Variants in UQCR11 observed in about 807,000 individuals in gnomAD.
UQCR11 encodes the protein ubiquinol-cytochrome c reductase, complex III subunit XI, also known as cytochrome b-c1 complex subunit 10.
Under a neutral mutation model 7.6 loss-of-function variants are expected in UQCR11, and 10 were observed. That is an observed-to-expected ratio of 1.31 (90% CI 0.81 to 2.22). The LOEUF (loss-of-function observed/expected upper bound fraction) is 2.22, where lower values mean the gene tolerates loss of function less well. Among genes scored for constraint, UQCR11 ranks in the 30% most tolerant of loss-of-function variants. The probability of loss-of-function intolerance (pLI) is 0.00; values close to 1 mark genes in which losing one functional copy is unlikely to be tolerated. For missense variants in UQCR11, 86 were observed against 75.1 expected, an observed-to-expected ratio of 1.15 and a Z score of -0.54; for synonymous variants, 34 against 34.9, an observed-to-expected ratio of 0.97 and a Z score of 0.09.
At chr19:1,600,513 G>A (rs1320842277) in intron 1 of UQCR11, among the ~76,000 whole-genome samples, 2 of 151,860 alleles carry the variant, frequency 1.3e-5, no homozygotes, top group Non-Finnish European at 2.9e-5. Context: ...GCGCCCGGCC[G>A]GGCACAGGCT....
chr19:1,603,097 C>T (rs1042311177), intron 1 of UQCR11, among the ~76,000 whole-genome samples: 6 of 152,302 alleles, frequency 3.9e-5, no homozygotes, highest in Non-Finnish European at 8.8e-5. Context: ...GGATGAGACC[C>T]GCTCCCTAGC....
chr19:1,600,674 C>A (rs1245396895), intron 1 of UQCR11, among the ~76,000 whole-genome samples: 1 of 151,998 alleles, frequency 6.6e-6, no homozygotes, highest in East Asian at 1.9e-4. Flanking sequence ...GAGTTTGAGA[C>A]CAGCCTAGAC....
chr19:1,603,129 G>A (rs2060751920), intron 1 of UQCR11, among the ~76,000 whole-genome samples: 1 of 152,178 alleles, frequency 6.6e-6, no homozygotes, highest in Non-Finnish European at 1.5e-5. Context: ...ACTGCCTGGT[G>A]GCACAGCCCT....
intron 1 of UQCR11, among the ~76,000 whole-genome samples, chr19:1,601,793 A>G (rs1044514608): frequency 6.6e-6 from 1 of 152,102 alleles, no homozygotes; most frequent in Non-Finnish European, 1.5e-5. Context: ...TAATTTTGGG[A>G]GACCATTTCT....
chr19:1,600,317 A>T (rs1295551103), intron 1 of UQCR11, among the ~76,000 whole-genome samples: 1 of 150,086 alleles, frequency 6.7e-6, no homozygotes, highest in South Asian at 2.1e-4. Context: ...GGGTTCAAGC[A>T]ATTCTCCTGC....
chr19:1,605,038 G>A (rs2060757927), intron 1 of UQCR11, among the ~76,000 whole-genome samples: 1 of 152,276 alleles, frequency 6.6e-6, no homozygotes. Flanking sequence ...GCTGGGGATC[G>A]GGACTCGGCA....
At chr19:1,601,555 C>A (rs1276463554) in intron 1 of UQCR11, among the ~76,000 whole-genome samples, 2 of 138,610 alleles carry the variant, frequency 1.4e-5, no homozygotes, top group Non-Finnish European at 1.5e-5. Context: ...GAGCTTAGAT[C>A]ATGCCATTGT....
chr19:1,605,380 G>T lies in UQCR11; in HGVS notation c.30C>A (p.Tyr10Ter). 1 of 1,579,618 alleles carries T rather than the reference G, an allele frequency of 6.3e-7. No individual in the cohort carries two copies. Among genetic ancestry groups the T allele is most frequent in the Non-Finnish European group, 8.6e-7 (1 of 1,167,488 alleles). The part of the protein sequence containing the change: MVTRFLGPR[Y>*]RELVKNWVPT... Reference sequence around the variant, plus strand: ...CTCACCAGTTCTTGACCAGCTCCCGGTAGCGTGGGCCCAGGAACCGGGTCA... The same window carrying T: ...CTCACCAGTTCTTGACCAGCTCCCGTTAGCGTGGGCCCAGGAACCGGGTCA... The change falls in exon 1 of 3, where the codon TAC becomes TAA. Residue 10 changes from tyrosine to a stop codon, truncating the protein, a stop_gained. Transcript: ENST00000591899. LOFTEE classifies it high-confidence loss of function.
chr19:1,600,318 A>C (rs2060743741), intron 1 of UQCR11, among the ~76,000 whole-genome samples: 1 of 151,230 alleles, frequency 6.6e-6, no homozygotes, highest in Non-Finnish European at 1.5e-5. Flanking sequence ...GGTTCAAGCA[A>C]TTCTCCTGCC....
intron 1 of UQCR11, among the ~76,000 whole-genome samples, chr19:1,600,943 C>A (rs949013256): frequency 2.0e-5 from 3 of 151,862 alleles, no homozygotes; most frequent in African/African-American, 7.3e-5. Context: ...CTGAGGCGGG[C>A]AGATCACCTG....
At position 1,599,429 on chromosome 19, in the gene UQCR11, G is replaced by A. The variant is rs1202944899; in HGVS notation, c.*11C>T. On this transcript the variant is annotated 3_prime_UTR_variant, in exon 2 of 3. Coordinates refer to ENST00000591899, the MANE Select transcript of UQCR11 (RefSeq NM_006830.4). ...AAACTTACCAGAGCAGTCTGTGAAGGGTTTGTGTAATTAATTATCCTTCTT... is the reference window on the plus strand; with the variant it reads ...AAACTTACCAGAGCAGTCTGTGAAGAGTTTGTGTAATTAATTATCCTTCTT... 10 of 1,613,350 alleles carry A rather than the reference G, an allele frequency of 6.2e-6. No individual in the cohort carries two copies. Among genetic ancestry groups the A allele is most frequent in the African/African-American group, 1.3e-5 (1 of 74,942 alleles).
intron 1 of UQCR11, among the ~76,000 whole-genome samples, chr19:1,601,599 CAAAAA>C (rs56108793): frequency 8.6e-5 from 7 of 81,180 alleles, no homozygotes; most frequent in Admixed American, 1.4e-4. Flanking sequence ...GACACCGTCT[CAAAAA>C]AAAAAAAAAA....
chr19:1,600,095 G>T (rs182469319), intron 1 of UQCR11, among the ~76,000 whole-genome samples: 2 of 105,500 alleles, frequency 1.9e-5, no homozygotes, highest in African/African-American at 6.1e-5. Flanking sequence ...GGGCCCAGCA[G>T]ATTCTAGGAA....
At chr19:1,601,576 G>C (rs2060747162) in intron 1 of UQCR11, among the ~76,000 whole-genome samples, 1 of 149,068 alleles carries the variant, frequency 6.7e-6, no homozygotes, top group Admixed American at 6.7e-5. Flanking sequence ...ACTCCAGCCT[G>C]GTGACAGAGC....
At position 1,601,288 on chromosome 19, in the gene UQCR11, C is replaced by A. The variant is rs549563234; in HGVS notation, c.51-1728G>T. Among the ~76,000 whole-genome samples, 70 of 151,328 alleles carry A rather than the reference C, an allele frequency of 4.6e-4. 1 individual carries two copies. Among genetic ancestry groups the A allele is most frequent in the African/African-American group, 1.6e-3 (66 of 41,138 alleles). On this transcript the variant is annotated intron_variant, in intron 1 of 2. Transcript: ENST00000591899. ...ATGAAGGGACCCATGTGGCAGAGAA[C>A]TGACGGCAGCCTCCAGCTAAGAAGG... is the stretch of plus-strand genomic sequence containing the variant.
intron 1 of UQCR11, among the ~76,000 whole-genome samples, chr19:1,603,717 C>G (rs1281839738): frequency 6.6e-6 from 1 of 152,210 alleles, no homozygotes; most frequent in Admixed American, 6.5e-5. Context: ...CCTGCTGCAC[C>G]CGGGAGGGGC....
chr19:1,598,487 T>C (rs1371321960), intron 2 of UQCR11, among the ~76,000 whole-genome samples: 1 of 150,510 alleles, frequency 6.6e-6, no homozygotes, highest in Non-Finnish European at 1.5e-5. Context: ...GAGGTTGCAG[T>C]GCGCCAAGAT....
intron 1 of UQCR11, among the ~76,000 whole-genome samples, chr19:1,602,860 A>G (rs2060751221): frequency 6.6e-6 from 1 of 152,216 alleles, no homozygotes; most frequent in Non-Finnish European, 1.5e-5. Flanking sequence ...GGATTTGGAC[A>G]GTGTGGGAAG....
intron 1 of UQCR11, among the ~76,000 whole-genome samples, chr19:1,603,758 C>G (rs2060753800): frequency 6.6e-6 from 1 of 152,188 alleles, no homozygotes; most frequent in Admixed American, 6.5e-5. Context: ...ACTGGGTTCT[C>G]AGCTAGGAGC....
Sources: allele counts gnomAD v4.1 joint callset (sites outside exome capture counted in the v4.1 genomes callset), GRCh38; gene constraint gnomAD v4.1.1; transcripts MANE v1.5; gene names NCBI Gene and HGNC (gene_info 2026-07-23, HGNC 2026-07-21).